The following MYH13 variants were observed in gnomAD, a reference collection of about 807,000 sequenced individuals.
MYH13 encodes the protein myosin-13.
A neutral mutation model predicts 232.1 loss-of-function variants in MYH13; 177 were observed. The observed-to-expected ratio is 0.76, with a 90% CI of 0.67 to 0.86. The LOEUF (loss-of-function observed/expected upper bound fraction) is 0.86. Ranked by LOEUF, MYH13 falls within the 40% of genes least tolerant of loss-of-function variation. The pLI is 0.00. For synonymous variants in MYH13, 884 were observed against 923.5 expected (o/e 0.96, Z 0.78); for missense variants, 2,246 against 2,405.9 (o/e 0.93, Z 1.39).
At chr17:10,357,486 T>A (rs981229149) in intron 8 of MYH13, among the ~76,000 whole-genome samples, 1 of 152,166 alleles carries the variant, frequency 6.6e-6, no homozygotes, top group East Asian at 1.9e-4. Context: ...ATCATGTGAG[T>A]GACTTCAGGA....
At chr17:10,367,188 C>T (rs556771518) in intron 2 of MYH13, among the ~76,000 whole-genome samples, 133 of 152,264 alleles carry the variant, frequency 8.7e-4, no homozygotes, top group Non-Finnish European at 1.6e-3. Context: ...AGGACGCCTT[C>T]GCACTCTTAA....
chr17:10,328,680 T>A (rs1301534300), intron 21 of MYH13, among the ~76,000 whole-genome samples: 1 of 32,430 alleles, frequency 3.1e-5, no homozygotes, highest in Non-Finnish European at 1.2e-4. Flanking sequence ...TTCTATTCGT[T>A]TTTTTTTTTT....
Position 10,309,635 on chromosome 17 carries a change from G to T in MYH13, c.4852C>A (p.Leu1618Ile). The change falls in exon 34 of 41, where the codon CTA (leucine) becomes ATA (isoleucine). Residue 1618 changes from leucine to isoleucine, a missense_variant. Coordinates refer to ENST00000252172, the MANE Select transcript of MYH13 (RefSeq NM_003802.3). Reference protein sequence around the residue: ...EIRSRNDALRLKKKMEGDLNE... With the variant: ...EIRSRNDALRIKKKMEGDLNE... ...AGGTCTCCCTCCATCTTCTTCTTTA[G>T]CCTCAGGGCGTCGTTCCGGCTGCGG... 6.2e-7 allele frequency: 1 copy of T among 1,612,622 alleles called. No individual in the cohort carries two copies. The highest frequency in any genetic ancestry group is 8.5e-7 in the Non-Finnish European group (1 of 1,179,400).
chr17:10,303,527 C>T, intron 37 of MYH13, 29 bp from the exon 38 acceptor site: 1 of 1,588,892 alleles, frequency 6.3e-7, no homozygotes, highest in Non-Finnish European at 8.6e-7. Context: ...ACACAGAATT[C>T]AAATCTCCTC....
Position 10,312,178 on chromosome 17 carries a change from C to T in MYH13, c.4366-102G>A, listed in dbSNP as rs75730911. 1,994 of 1,319,418 alleles carry T rather than the reference C, an allele frequency of 1.5e-3. 31 individuals carry two copies. The East Asian group carries it at 0.034, about 22-fold the overall frequency. The allele number at this position is 1,319,418 out of a possible 1,614,324, so 81.7% of individuals were successfully genotyped here. On this transcript the variant is annotated intron_variant, in intron 31 of 40. Transcript: ENST00000252172. ...CAGTAACACCAACGTTTTGCCCTTCCATCCTTAGGGACTGAAGAAGGAGGA... is the reference window on the plus strand; with the variant it reads ...CAGTAACACCAACGTTTTGCCCTTCTATCCTTAGGGACTGAAGAAGGAGGA...
At chr17:10,307,145 A>G (rs1390205885) in intron 35 of MYH13, 81 bp from the exon 36 acceptor site, 2 of 1,540,802 alleles carry the variant, frequency 1.3e-6, no homozygotes, top group Non-Finnish European at 1.8e-6. Context: ...CTGGGGAGGG[A>G]AGTAAATTGT....
In MYH13 at chr17:10,340,334, C is replaced by T; in HGVS notation, c.1962G>A (p.Val654=). The T allele has an allele frequency of 6.2e-7, 1 of 1,613,916 alleles. No individual in the cohort carries two copies. The highest frequency in any genetic ancestry group is 1.1e-5 in the South Asian group (1 of 91,058). ...KGSSFQTVSA[V]FRENLNKLMT... Reference sequence around the variant, plus strand: ...AAGCTGCCAAAACACCAACCCTGAACACGGCCGACACGGTCTGGAAAGAGG... The same window carrying T: ...AAGCTGCCAAAACACCAACCCTGAATACGGCCGACACGGTCTGGAAAGAGG... Residue 654 remains valine (V), a synonymous_variant, in exon 17 of 41, where the codon GTG becomes GTA. Coordinates refer to ENST00000252172, the MANE Select transcript of MYH13 (RefSeq NM_003802.3).
chr17:10,358,512 C>T (rs938558767), intron 7 of MYH13, among the ~76,000 whole-genome samples: 1 of 152,070 alleles, frequency 6.6e-6, no homozygotes, highest in African/African-American at 2.4e-5. Context: ...GTAATTAGCA[C>T]TTTGGAAGGC....
At chr17:10,343,692 A>G (rs2142258065) in intron 16 of MYH13, 108 bp downstream of exon 16, 3 of 1,233,426 alleles carry the variant, frequency 2.4e-6, no homozygotes, top group Non-Finnish European at 3.3e-6. Flanking sequence ...GAGAAACATC[A>G]TACTCAGCTG....
intron 21 of MYH13, among the ~76,000 whole-genome samples, chr17:10,328,438 A>G (rs1405783793): frequency 6.6e-6 from 1 of 152,218 alleles, no homozygotes; most frequent in Admixed American, 6.5e-5. Context: ...GCTCAATGCA[A>G]GGAATAGCTT....
chr17:10,359,976 T>G lies in MYH13; in HGVS notation c.629A>C (p.Gln210Pro). 1 of 1,613,778 alleles carries G rather than the reference T, an allele frequency of 6.2e-7. No individual in the cohort carries two copies. Among genetic ancestry groups the G allele is most frequent in the Non-Finnish European group, 8.5e-7 (1 of 1,179,992 alleles). Residue 210 changes from glutamine to proline, a missense_variant, in exon 7 of 41, where the codon CAG becomes CCG. Coordinates refer to ENST00000252172, the MANE Select transcript of MYH13 (RefSeq NM_003802.3). ...GCTGCTCACCTGCATTTTGCCTGGCTGTGTCTCCTTCTTCTTGTCCCCGGT... is the reference window on the plus strand; with the variant it reads ...GCTGCTCACCTGCATTTTGCCTGGCGGTGTCTCCTTCTTCTTGTCCCCGGT... The part of the protein sequence containing the change: ...AVTGDKKKET[Q>P]PGKMQGTLED...
At chr17:10,301,498 C>T (rs758006074) in intron 40 of MYH13, 71 bp downstream of exon 40, 20 of 1,591,540 alleles carry the variant, frequency 1.3e-5, no homozygotes, top group Admixed American at 3.4e-5. Context: ...CTCAGGCATT[C>T]GCTCTTACCT....
intron 18 of MYH13, among the ~76,000 whole-genome samples, chr17:10,337,111 C>T (rs1323436766): frequency 5.3e-5 from 8 of 152,068 alleles, no homozygotes; most frequent in Non-Finnish European, 7.4e-5. Context: ...GACAGGGTTT[C>T]GCCATGTTAG....
At chr17:10,347,663 A>G (rs2071675994) in intron 12 of MYH13, among the ~76,000 whole-genome samples, 1 of 148,828 alleles carries the variant, frequency 6.7e-6, no homozygotes, top group Non-Finnish European at 1.5e-5. Context: ...GGGGGCCTGC[A>G]TTGAGCTCAT....
At chr17:10,352,148 G>C (rs559151835) in intron 11 of MYH13, among the ~76,000 whole-genome samples, 1 of 152,282 alleles carries the variant, frequency 6.6e-6, no homozygotes, top group African/African-American at 2.4e-5. Flanking sequence ...AGGTGAAAGC[G>C]TCACTGCCTG....
intron 32 of MYH13, 114 bp downstream of exon 32, chr17:10,311,797 G>A (rs1906516360): frequency 4.8e-6 from 6 of 1,241,354 alleles, no homozygotes; most frequent in Non-Finnish European, 6.8e-6. Context: ...TGATGGGTGA[G>A]GATCGTGTGG....
Position 10,343,720 on chromosome 17 carries a change from C to T in MYH13, c.1894+80G>A, listed in dbSNP as rs550351429. ...CTCAGCTGAAGCTCATGTCTGATTACTGGTTCTTCACAAGCAGCTCTGGGT... is the reference window on the plus strand; with the variant it reads ...CTCAGCTGAAGCTCATGTCTGATTATTGGTTCTTCACAAGCAGCTCTGGGT... On this transcript the variant is annotated intron_variant, in intron 16 of 40. Transcript: ENST00000252172. The T allele has an allele frequency of 1.5e-5, 21 of 1,415,008 alleles. No homozygotes were observed. The South Asian group carries it at 2.7e-4, about 18-fold the overall frequency. The allele number at this position is 1,415,008 out of a possible 1,614,324, so 87.7% of individuals were successfully genotyped here.
intron 1 of MYH13, among the ~76,000 whole-genome samples, chr17:10,371,528 G>C (rs1208000110): frequency 6.6e-6 from 1 of 152,178 alleles, no homozygotes; most frequent in African/African-American, 2.4e-5. Context: ...GCTCCTTAAG[G>C]GGGTATGAAG....
chr17:10,342,302 T>C (rs2071624502), intron 16 of MYH13, among the ~76,000 whole-genome samples: 1 of 152,138 alleles, frequency 6.6e-6, no homozygotes. Context: ...CAAATGATCC[T>C]TCTGCCTCAG....
Sources: gnomAD v4.1 joint callset for allele counts (sites outside exome capture counted in the v4.1 genomes callset) on GRCh38, gnomAD v4.1.1 for gene constraint, MANE v1.5 for transcripts, NCBI Gene and HGNC (gene_info 2026-07-23, HGNC 2026-07-21) for gene names.